ENTREP1: variants seen among roughly 807,000 people sequenced by gnomAD.
The protein encoded by ENTREP1 is Friedreich ataxia region gene X123.
the ENTREP1 span, among the ~76,000 whole-genome samples, chr9:69,372,932 G>T: frequency 6.6e-6 from 1 of 151,662 alleles, no homozygotes; most frequent in Non-Finnish European, 1.5e-5. Context: ...TATGATTAGT[G>T]ATGTTGATAG....
At chr9:69,391,839 G>A in the ENTREP1 span, 33 of 1,537,988 alleles carry the variant, frequency 2.1e-5, no homozygotes, top group Non-Finnish European at 2.6e-5. Flanking sequence ...CAAGGGGAAG[G>A]ATCCCTCTCC....
chr9:69,332,012 C>CGT, the ENTREP1 span, among the ~76,000 whole-genome samples: 6 of 152,176 alleles, frequency 3.9e-5, no homozygotes, highest in African/African-American at 1.4e-4. Flanking sequence ...CCCCTTTCCC[C>CGT]GTCTGTGAAT....
the ENTREP1 span, chr9:69,386,000 G>A: frequency 6.6e-7 from 1 of 1,515,638 alleles, no homozygotes; most frequent in Non-Finnish European, 8.8e-7. Flanking sequence ...TTGCCTAAAG[G>A]AGCCAGGTGA....
the ENTREP1 span, among the ~76,000 whole-genome samples, chr9:69,334,828 G>A: frequency 1.0e-4 from 15 of 146,250 alleles, no homozygotes; most frequent in South Asian, 3.1e-3. Context: ...CCAGGCTGGA[G>A]TGCAGTGGCG....
chr9:69,379,907 T>C, the ENTREP1 span: 1 of 152,304 alleles, frequency 6.6e-6, no homozygotes, highest in Non-Finnish European at 1.5e-5. Context: ...TGCTTCACCA[T>C]AATAATGCTC....
At chr9:69,336,945 G>A in the ENTREP1 span, among the ~76,000 whole-genome samples, 5 of 146,912 alleles carry the variant, frequency 3.4e-5, no homozygotes, top group East Asian at 4.0e-4. Flanking sequence ...TGATCCTCCC[G>A]CCTTGGCCTC....
At chr9:69,371,681 C>A in the ENTREP1 span, 8 of 976,446 alleles carry the variant, frequency 8.2e-6, no homozygotes, top group Non-Finnish European at 1.2e-5. Context: ...GCGAGACTTG[C>A]AACATTCAGC....
At chr9:69,349,184 CAAAAAAAAAAAAAAAA>C in the ENTREP1 span, among the ~76,000 whole-genome samples, 1 of 85,290 alleles carries the variant, frequency 1.2e-5, no homozygotes, top group East Asian at 3.5e-4. Context: ...AACTCCATCT[CAAAAAAAAAAAAAAAA>C]AAAAAAAAAA....
chr9:69,346,524 A>G, the ENTREP1 span, among the ~76,000 whole-genome samples: 1 of 152,180 alleles, frequency 6.6e-6, no homozygotes, highest in Admixed American at 6.6e-5. Flanking sequence ...AGATAAAGAA[A>G]TTATGACTTT....
At chr9:69,324,734 C>T in the ENTREP1 span, 1 of 985,228 alleles carries the variant, frequency 1.0e-6, no homozygotes, top group Admixed American at 6.1e-5. Flanking sequence ...AAAGCCCCTC[C>T]TCCAGGCATC....
chr9:69,373,018 T>C, the ENTREP1 span, among the ~76,000 whole-genome samples: 1 of 93,616 alleles, frequency 1.1e-5, no homozygotes, highest in East Asian at 2.8e-4. Flanking sequence ...TTGCACATTT[T>C]AAAATTGAGT....
chr9:69,336,578 T>C, the ENTREP1 span, among the ~76,000 whole-genome samples: 3 of 152,124 alleles, frequency 2.0e-5, no homozygotes, highest in African/African-American at 7.2e-5. Context: ...ATATATACAA[T>C]AGTGGAGGGA....
the ENTREP1 span, among the ~76,000 whole-genome samples, chr9:69,351,972 C>G: frequency 6.6e-6 from 1 of 152,062 alleles, no homozygotes; most frequent in Admixed American, 6.6e-5. Flanking sequence ...AGCAGCTGTT[C>G]TTGTGTTATT....
At chr9:69,370,275 G>A in the ENTREP1 span, among the ~76,000 whole-genome samples, 1 of 152,148 alleles carries the variant, frequency 6.6e-6, no homozygotes, top group Non-Finnish European at 1.5e-5. Flanking sequence ...AGATATATTA[G>A]ATCTCTTTGA....
At chr9:69,367,752 A>AAT in the ENTREP1 span, among the ~76,000 whole-genome samples, 4 of 121,868 alleles carry the variant, frequency 3.3e-5, no homozygotes, top group African/African-American at 5.7e-5. Flanking sequence ...CACATATATA[A>AAT]ATATATATAT....
the ENTREP1 span, among the ~76,000 whole-genome samples, chr9:69,329,063 T>C: frequency 5.3e-5 from 8 of 152,254 alleles, no homozygotes; most frequent in African/African-American, 1.9e-4. Flanking sequence ...CCTATTTTAT[T>C]GTATGGATAT....
At chr9:69,392,160 T>G in the ENTREP1 span, 1 of 288,362 alleles carries the variant, frequency 3.5e-6, no homozygotes. Flanking sequence ...GCTAAGTTCT[T>G]TCCCTCTTGG....
the ENTREP1 span, chr9:69,384,137 C>A: frequency 1.4e-6 from 1 of 708,508 alleles, no homozygotes; most frequent in South Asian, 1.7e-5. Context: ...GTGGGAGGAT[C>A]ACATGAGGCC....
At chr9:69,372,220 A>G in the ENTREP1 span, among the ~76,000 whole-genome samples, 1 of 152,210 alleles carries the variant, frequency 6.6e-6, no homozygotes, top group Admixed American at 6.5e-5. Context: ...GAAATTTACC[A>G]TCTTAACCAT....
Sources: gnomAD v4.1 joint callset for allele counts (sites outside exome capture counted in the v4.1 genomes callset) on GRCh38, gnomAD v4.1.1 for gene constraint, MANE v1.5 for transcripts, NCBI Gene and HGNC (gene_info 2026-07-23, HGNC 2026-07-21) for gene names.